The following SORBS2 variants were observed in gnomAD, a reference collection of about 807,000 sequenced individuals.
The protein encoded by SORBS2 is sorbin and SH3 domain-containing protein 2.
Under a neutral mutation model 97.7 loss-of-function variants are expected in SORBS2, and 46 were observed. That is an observed-to-expected ratio of 0.47 (90% CI 0.37 to 0.60). The LOEUF (loss-of-function observed/expected upper bound fraction) is 0.60. SORBS2 is among the 20% of genes least tolerant of loss of function. The pLI is 0.00. For missense variants in SORBS2, 1,316 were observed against 1,282.3 expected (o/e 1.03, Z -0.40); for synonymous variants, 476 against 473.4 (o/e 1.01, Z -0.07).
At chr4:185,843,211 G>A (rs923335223) in intron 1 of SORBS2, among the ~76,000 whole-genome samples, 7 of 152,124 alleles carry the variant, frequency 4.6e-5, no homozygotes, top group African/African-American at 9.7e-5. Flanking sequence ...ATGGGAATCC[G>A]GAGAGTGTGG....
intron 1 of SORBS2, among the ~76,000 whole-genome samples, chr4:185,858,230 G>C (rs763401875): frequency 6.6e-6 from 1 of 152,124 alleles, no homozygotes; most frequent in Non-Finnish European, 1.5e-5. Flanking sequence ...ATTGGGGGCT[G>C]GTTCCCCCAG....
At chr4:185,646,777 T>C (rs1340364694) in exon 4 of SORBS2, 1 of 1,588,304 alleles carries the variant, frequency 6.3e-7, no homozygotes, top group Non-Finnish European at 8.6e-7. Flanking sequence ...AGGATCCCAG[T>C]CATGCCTAGA....
intron 1 of SORBS2, among the ~76,000 whole-genome samples, chr4:185,833,618 C>G (rs962747656): frequency 3.9e-5 from 6 of 152,164 alleles, no homozygotes; most frequent in Non-Finnish European, 8.8e-5. Flanking sequence ...TTTAAAATTA[C>G]ATAACTATGG....
chr4:185,768,592 A>G (rs903364080), intron 2 of SORBS2, among the ~76,000 whole-genome samples: 4 of 151,534 alleles, frequency 2.6e-5, no homozygotes, highest in African/African-American at 9.7e-5. Flanking sequence ...CCAGCTACTC[A>G]GGAGGGTGAG....
At chr4:185,877,408 A>T (rs2099234228) in intron 1 of SORBS2, among the ~76,000 whole-genome samples, 1 of 152,234 alleles carries the variant, frequency 6.6e-6, no homozygotes. Flanking sequence ...TGCAAACTAT[A>T]CCAAACTTCA....
At chr4:185,609,472 G>A (rs975957423) in intron 12 of SORBS2, among the ~76,000 whole-genome samples, 4 of 152,170 alleles carry the variant, frequency 2.6e-5, no homozygotes, top group African/African-American at 4.8e-5. Flanking sequence ...CACAGTCACC[G>A]AAATACATGT....
chr4:185,871,460 ATATAATGCC>A (rs1331747227), intron 1 of SORBS2, among the ~76,000 whole-genome samples: 1 of 152,234 alleles, frequency 6.6e-6, no homozygotes, highest in Non-Finnish European at 1.5e-5. Flanking sequence ...CTTTACTTAC[ATATAATGCC>A]TAGCGAAGGA....
At chr4:185,827,042 TCAC>T (rs1168131629) in intron 1 of SORBS2, among the ~76,000 whole-genome samples, 4 of 145,424 alleles carry the variant, frequency 2.8e-5, no homozygotes, top group African/African-American at 5.1e-5. Context: ...ACCACCATCA[TCAC>T]CACCATCACC....
chr4:185,805,393 C>T (rs1253561055), intron 1 of SORBS2, among the ~76,000 whole-genome samples: 8 of 152,044 alleles, frequency 5.3e-5, no homozygotes, highest in East Asian at 1.9e-4. Context: ...AGCACAACAC[C>T]GGGGAAGATC....
intron 11 of SORBS2, 68 bp downstream of exon 23, chr4:185,614,763 A>G (rs1013130916): frequency 5.1e-6 from 8 of 1,556,378 alleles, no homozygotes; most frequent in Non-Finnish European, 7.0e-6. Context: ...TTGAAAATAT[A>G]CAGCCTTTTC....
intron 1 of SORBS2, among the ~76,000 whole-genome samples, chr4:185,934,219 G>A (rs1474768589): frequency 6.6e-6 from 1 of 152,154 alleles, no homozygotes; most frequent in Non-Finnish European, 1.5e-5. Context: ...TAGAGGACAA[G>A]AGCCTTTCCT....
intron 2 of SORBS2, among the ~76,000 whole-genome samples, chr4:185,763,154 A>G (rs1470711175): frequency 7.2e-5 from 11 of 152,274 alleles, no homozygotes; most frequent in Non-Finnish European, 2.9e-5. Context: ...GCGCCACTGC[A>G]CTCCAGCCTG....
chr4:185,647,109 G>A (rs2097220548), intron 3 of SORBS2, among the ~76,000 whole-genome samples: 1 of 152,158 alleles, frequency 6.6e-6, no homozygotes, highest in Non-Finnish European at 1.5e-5. Flanking sequence ...TTGATCCAAA[G>A]TGACAAGGAG....
At chr4:185,669,766 C>T (rs1305144782) in intron 4 of SORBS2, among the ~76,000 whole-genome samples, 1 of 152,114 alleles carries the variant, frequency 6.6e-6, no homozygotes, top group Non-Finnish European at 1.5e-5. Flanking sequence ...AAAAGAGAGT[C>T]TGGGTCTGGC....
chr4:185,800,856 G>T (rs965533489), intron 1 of SORBS2, among the ~76,000 whole-genome samples: 3 of 152,198 alleles, frequency 2.0e-5, no homozygotes, highest in Non-Finnish European at 4.4e-5. Context: ...ACTGTGCACT[G>T]ATCACCACAA....
intron 1 of SORBS2, among the ~76,000 whole-genome samples, chr4:185,841,882 T>C (rs2099211766): frequency 6.6e-6 from 1 of 152,234 alleles, no homozygotes; most frequent in African/African-American, 2.4e-5. Flanking sequence ...CAAACACTGT[T>C]GGAATCAACT....
chr4:185,749,610 G>A (rs1162991017), intron 2 of SORBS2, among the ~76,000 whole-genome samples: 1 of 152,218 alleles, frequency 6.6e-6, no homozygotes, highest in African/African-American at 2.4e-5. Flanking sequence ...TTTTAGACCA[G>A]TAGAATTTTA....
chr4:185,818,982 G>C (rs1439128833), intron 1 of SORBS2, among the ~76,000 whole-genome samples: 1 of 152,102 alleles, frequency 6.6e-6, no homozygotes, highest in African/African-American at 2.4e-5. Flanking sequence ...TTATTCTCTT[G>C]GCATGTGGAC....
At chr4:185,778,958 C>G (rs1274713690) in intron 1 of SORBS2, among the ~76,000 whole-genome samples, 5 of 152,218 alleles carry the variant, frequency 3.3e-5, no homozygotes, top group African/African-American at 1.2e-4. Flanking sequence ...AAGAGTGTGT[C>G]TGAATAACCT....
Sources: allele counts gnomAD v4.1 joint callset (sites outside exome capture counted in the v4.1 genomes callset), GRCh38; gene constraint gnomAD v4.1.1; transcripts MANE v1.5; gene names NCBI Gene and HGNC (gene_info 2026-07-23, HGNC 2026-07-21).